SKAP2: variants seen among roughly 807,000 people sequenced by gnomAD.
The protein encoded by SKAP2 is src kinase-associated phosphoprotein 2.
Under a neutral mutation model 54.9 loss-of-function variants are expected in SKAP2, and 28 were observed. The observed-to-expected ratio is 0.51, with a 90% CI of 0.38 to 0.70. The LOEUF (loss-of-function observed/expected upper bound fraction) is 0.70, where lower values mean the gene tolerates loss of function less well. Ranked by LOEUF, SKAP2 falls within the 30% of genes least tolerant of loss-of-function variation. The probability of loss-of-function intolerance (pLI) is 0.00; values close to 1 mark genes in which losing one functional copy is unlikely to be tolerated. For missense variants in SKAP2, 356 were observed against 424.1 expected (o/e 0.84, Z 1.41); for synonymous variants, 137 against 134.3 (o/e 1.02, Z -0.14).
chr7:26,778,367 G>C (rs762743624), intron 4 of SKAP2, among the ~76,000 whole-genome samples: 1 of 151,990 alleles, frequency 6.6e-6, no homozygotes, highest in Non-Finnish European at 1.5e-5. Context: ...TTTATATAAA[G>C]TACTTAGAGC....
At chr7:26,680,160 G>A (rs1226798321) in intron 11 of SKAP2, among the ~76,000 whole-genome samples, 1 of 152,128 alleles carries the variant, frequency 6.6e-6, no homozygotes, top group Non-Finnish European at 1.5e-5. Context: ...TTAAAAGTAA[G>A]TATAGCAATG....
At chr7:26,841,558 G>A (rs3801816) in intron 4 of SKAP2, among the ~76,000 whole-genome samples, 32,280 of 151,872 alleles carry the variant, frequency 0.21, 3,517 homozygotes, top group Non-Finnish European at 0.24. Context: ...AACTTATGCT[G>A]CTTTCCTACA....
intron 4 of SKAP2, among the ~76,000 whole-genome samples, chr7:26,826,612 A>G (rs1168699491): frequency 6.6e-6 from 1 of 152,196 alleles, no homozygotes; most frequent in Non-Finnish European, 1.5e-5. Flanking sequence ...GACCTGGTTC[A>G]AATGCCATTA....
intron 4 of SKAP2, among the ~76,000 whole-genome samples, chr7:26,830,067 G>A (rs184646950): frequency 2.9e-4 from 44 of 152,246 alleles, no homozygotes; most frequent in African/African-American, 1.0e-3. Context: ...CCATAAAAGG[G>A]AATAAAGAAC....
intron 3 of SKAP2, among the ~76,000 whole-genome samples, chr7:26,851,412 C>T (rs2127997853): frequency 6.6e-6 from 1 of 152,206 alleles, no homozygotes; most frequent in African/African-American, 2.4e-5. Context: ...CCGCTACACT[C>T]CAGCCTGAGA....
At chr7:26,812,848 A>C (rs2127988396) in intron 4 of SKAP2, among the ~76,000 whole-genome samples, 1 of 152,168 alleles carries the variant, frequency 6.6e-6, no homozygotes, top group East Asian at 1.9e-4. Context: ...AAAAAGAAAA[A>C]AAAAAGCCTG....
intron 4 of SKAP2, among the ~76,000 whole-genome samples, chr7:26,757,001 C>T (rs1238332628): frequency 2.6e-5 from 4 of 152,074 alleles, no homozygotes; most frequent in African/African-American, 7.2e-5. Flanking sequence ...TCTGTTCATA[C>T]CCTTCACCCA....
intron 4 of SKAP2, among the ~76,000 whole-genome samples, chr7:26,819,249 G>A (rs1322637124): frequency 6.6e-6 from 1 of 152,074 alleles, no homozygotes; most frequent in Non-Finnish European, 1.5e-5. Context: ...GCCAAAAAAA[G>A]GATGAGTTCA....
chr7:26,858,330 C>A (rs1190099775), intron 1 of SKAP2, among the ~76,000 whole-genome samples: 1 of 152,108 alleles, frequency 6.6e-6, no homozygotes, highest in Non-Finnish European at 1.5e-5. Context: ...TGAAAGTAAA[C>A]GTGATGGGAT....
chr7:26,730,756 G>C (rs769534008), intron 6 of SKAP2, among the ~76,000 whole-genome samples: 1 of 152,104 alleles, frequency 6.6e-6, no homozygotes, highest in Non-Finnish European at 1.5e-5. Context: ...GCAGGTTCAA[G>C]GTAAAAAGCA....
At chr7:26,823,967 A>G (rs985373710) in intron 4 of SKAP2, among the ~76,000 whole-genome samples, 4 of 152,226 alleles carry the variant, frequency 2.6e-5, no homozygotes, top group African/African-American at 9.6e-5. Flanking sequence ...TTTGGAATAT[A>G]ACATAATCGT....
chr7:26,847,000 CA>C (rs765424128), intron 3 of SKAP2, among the ~76,000 whole-genome samples: 61 of 151,870 alleles, frequency 4.0e-4, no homozygotes, highest in Middle Eastern at 3.4e-3. Context: ...CTCAAAAAAT[CA>C]AAATAAAAAT....
intron 4 of SKAP2, among the ~76,000 whole-genome samples, chr7:26,771,878 T>C (rs1783197173): frequency 6.6e-6 from 1 of 152,214 alleles, no homozygotes; most frequent in African/African-American, 2.4e-5. Flanking sequence ...GAGAAAGTTA[T>C]ACTGAATAAC....
At chr7:26,697,422 T>C in intron 9 of SKAP2, among the ~76,000 whole-genome samples, 1 of 152,190 alleles carries the variant, frequency 6.6e-6, no homozygotes, top group South Asian at 2.1e-4. Context: ...TAAAGAGTAC[T>C]AGGTATTAGG....
At chr7:26,816,559 T>C (rs1249316672) in intron 4 of SKAP2, among the ~76,000 whole-genome samples, 1 of 152,024 alleles carries the variant, frequency 6.6e-6, no homozygotes, top group Non-Finnish European at 1.5e-5. Context: ...ATTAAGAAAA[T>C]TAAGAATACT....
Position 26,834,213 on chromosome 7 carries a change from T to C in SKAP2, c.307+9817A>G, listed in dbSNP as rs553935631. Among the ~76,000 whole-genome samples the C allele has an allele frequency of 6.7e-4, 102 of 152,346 alleles. 1 individual carries two copies. Among genetic ancestry groups the C allele is most frequent in the African/African-American group, 2.3e-3 (96 of 41,576 alleles). ...TAAAGCAGTGTTTAGAGGAAATTTA[T>C]AGCACTAAATCACCATAAGAGAAAG... On this transcript the variant is annotated intron_variant, in intron 4 of 12. Coordinates refer to ENST00000345317, the MANE Select transcript of SKAP2 (RefSeq NM_003930.5).
intron 4 of SKAP2, among the ~76,000 whole-genome samples, chr7:26,780,227 C>T (rs921793973): frequency 2.0e-5 from 3 of 151,966 alleles, no homozygotes; most frequent in Admixed American, 6.6e-5. Flanking sequence ...TGAAAAGTGC[C>T]CTGAAGAGTA....
chr7:26,812,780 G>C (rs542103425), intron 4 of SKAP2, among the ~76,000 whole-genome samples: 152 of 151,596 alleles, frequency 1.0e-3, no homozygotes, highest in African/African-American at 3.5e-3. Flanking sequence ...AAAATCTTGA[G>C]ATTCAAGTCC....
chr7:26,694,588 G>A (rs1786856624), intron 9 of SKAP2, among the ~76,000 whole-genome samples: 1 of 150,474 alleles, frequency 6.6e-6, no homozygotes, highest in African/African-American at 2.4e-5. Context: ...TGTTCTGGTA[G>A]TCATCAAAAG....
Sources: gnomAD v4.1 joint callset for allele counts (sites outside exome capture counted in the v4.1 genomes callset) on GRCh38, gnomAD v4.1.1 for gene constraint, MANE v1.5 for transcripts, NCBI Gene and HGNC (gene_info 2026-07-23, HGNC 2026-07-21) for gene names.